The following PRKN variants were observed in gnomAD, a reference collection of about 807,000 sequenced individuals.
The protein encoded by PRKN is E3 ubiquitin-protein ligase parkin.
Under a neutral mutation model 59.5 loss-of-function variants are expected in PRKN, and 56 were observed. That is an observed-to-expected ratio of 0.94 (90% CI 0.76 to 1.18). PRKN has a LOEUF of 1.18. Ranked by LOEUF, PRKN falls within the 50% of genes most tolerant of loss-of-function variation. PRKN has a pLI of 0.00. For synonymous variants in PRKN, 250 were observed against 222.1 expected (o/e 1.13, Z -1.12); for missense variants, 657 against 596.4 (o/e 1.10, Z -1.06).
At chr6:162,344,767 C>T (rs1011668920) in intron 2 of PRKN, among the ~76,000 whole-genome samples, 35 of 152,132 alleles carry the variant, frequency 2.3e-4, no homozygotes, top group African/African-American at 8.5e-4. Flanking sequence ...CCTTTCTGGG[C>T]TGCAGGTTTG....
chr6:161,759,640 C>G (rs1486585939), intron 7 of PRKN, among the ~76,000 whole-genome samples: 1 of 152,174 alleles, frequency 6.6e-6, no homozygotes. Context: ...ACATAGATTA[C>G]ATTTCAATTA....
intron 6 of PRKN, among the ~76,000 whole-genome samples, chr6:161,967,328 C>T (rs1255120327): frequency 1.3e-5 from 2 of 152,158 alleles, no homozygotes; most frequent in Non-Finnish European, 2.9e-5. Context: ...TGTCAACAGA[C>T]AGAACTAAAT....
intron 4 of PRKN, among the ~76,000 whole-genome samples, chr6:162,094,364 G>A (rs1349533572): frequency 1.3e-5 from 2 of 152,128 alleles, no homozygotes; most frequent in Non-Finnish European, 2.9e-5. Flanking sequence ...CGCATCTGTG[G>A]TCTCAGCGAC....
chr6:162,158,066 T>C (rs1782595111), intron 4 of PRKN, among the ~76,000 whole-genome samples: 1 of 152,036 alleles, frequency 6.6e-6, no homozygotes, highest in South Asian at 2.1e-4. Flanking sequence ...AAATAGAGTA[T>C]AATTGTCAGG....
intron 1 of PRKN, chr6:162,694,804 G>A (rs1777911251): frequency 6.6e-6 from 1 of 152,174 alleles, no homozygotes; most frequent in Non-Finnish European, 1.5e-5. Flanking sequence ...TTCCAAAGCA[G>A]GTTTCATGCT....
chr6:162,104,552 G>T (rs565340206), intron 4 of PRKN, among the ~76,000 whole-genome samples: 38 of 152,214 alleles, frequency 2.5e-4, no homozygotes, highest in African/African-American at 8.7e-4. Context: ...CAAAGAACCG[G>T]TGCTTCTCAG....
chr6:161,859,376 G>A (rs1011497665), intron 6 of PRKN, among the ~76,000 whole-genome samples: 2 of 151,846 alleles, frequency 1.3e-5, no homozygotes, highest in African/African-American at 2.4e-5. Context: ...AGGCCAAGGC[G>A]GGTGGATCAC....
intron 1 of PRKN, among the ~76,000 whole-genome samples, chr6:162,675,818 CTA>C (rs966017834): frequency 2.0e-5 from 3 of 151,972 alleles, no homozygotes; most frequent in African/African-American, 7.2e-5. Context: ...CTGAGAATAA[CTA>C]TTTTTAAAAG....
At chr6:161,661,852 GTC>G in intron 7 of PRKN, among the ~76,000 whole-genome samples, 1 of 151,908 alleles carries the variant, frequency 6.6e-6, no homozygotes, top group East Asian at 1.9e-4. Flanking sequence ...GTGAAACCCC[GTC>G]TCTACTAAAA....
chr6:161,923,681 G>A (rs189431043), intron 6 of PRKN, among the ~76,000 whole-genome samples: 5 of 152,192 alleles, frequency 3.3e-5, no homozygotes, highest in Admixed American at 6.5e-5. Flanking sequence ...GCTATGTAGC[G>A]TCTGAGTTCT....
chr6:161,661,235 C>G (rs994564236), intron 7 of PRKN, among the ~76,000 whole-genome samples: 1 of 152,176 alleles, frequency 6.6e-6, no homozygotes, highest in Non-Finnish European at 1.5e-5. Context: ...GAGACCCTCA[C>G]GGAGTCTGAC....
intron 2 of PRKN, among the ~76,000 whole-genome samples, chr6:162,312,395 C>A (rs550414763): frequency 6.6e-6 from 1 of 152,030 alleles, no homozygotes; most frequent in Non-Finnish European, 1.5e-5. Flanking sequence ...ATTTAGAATC[C>A]CATTCCTACC....
At chr6:162,257,556 C>T (rs1779694069) in intron 3 of PRKN, among the ~76,000 whole-genome samples, 1 of 152,048 alleles carries the variant, frequency 6.6e-6, no homozygotes. Flanking sequence ...CTGGGTACGG[C>T]TTGAATTGTC....
At chr6:161,517,109 G>A (rs1391008113) in intron 9 of PRKN, among the ~76,000 whole-genome samples, 1 of 152,288 alleles carries the variant, frequency 6.6e-6, no homozygotes, top group African/African-American at 2.4e-5. Context: ...AGCCAGAACA[G>A]AAAAAGTAAT....
chr6:162,190,193 C>G (rs1333942501), intron 4 of PRKN, among the ~76,000 whole-genome samples: 2 of 152,164 alleles, frequency 1.3e-5, no homozygotes, highest in Non-Finnish European at 2.9e-5. Flanking sequence ...AACAAACCCA[C>G]TTGGCTAACT....
At chr6:161,852,425 C>T (rs1400981172) in intron 6 of PRKN, among the ~76,000 whole-genome samples, 3 of 152,064 alleles carry the variant, frequency 2.0e-5, no homozygotes, top group South Asian at 2.1e-4. Context: ...TGCACTCCAG[C>T]GCGGGTGACA....
chr6:161,817,068 G>A (rs575227931), intron 6 of PRKN, among the ~76,000 whole-genome samples: 9 of 152,100 alleles, frequency 5.9e-5, no homozygotes, highest in South Asian at 4.2e-4. Context: ...TTTGTGCTTC[G>A]ATTTGCCCAG....
chr6:161,557,400 ATTT>A (rs1393606230), intron 8 of PRKN, among the ~76,000 whole-genome samples: 2 of 152,210 alleles, frequency 1.3e-5, no homozygotes, highest in African/African-American at 2.4e-5. Flanking sequence ...GGAGACCTGT[ATTT>A]GGGTAGAAAA....
chr6:161,601,872 G>A (rs890875664), intron 7 of PRKN, among the ~76,000 whole-genome samples: 6 of 152,112 alleles, frequency 3.9e-5, no homozygotes, highest in African/African-American at 1.2e-4. Flanking sequence ...ATGAGCCACC[G>A]CGCCCGGCAT....
Sources: allele counts gnomAD v4.1 joint callset (sites outside exome capture counted in the v4.1 genomes callset), GRCh38; gene constraint gnomAD v4.1.1; transcripts MANE v1.5; gene names NCBI Gene and HGNC (gene_info 2026-07-23, HGNC 2026-07-21).